RPS6KA2: variants seen among roughly 807,000 people sequenced by gnomAD.
RPS6KA2 encodes ribosomal protein S6 kinase A2, also known as ribosomal protein S6 kinase alpha-2.
A neutral mutation model predicts 91.8 loss-of-function variants in RPS6KA2; 42 were observed. The observed-to-expected ratio is 0.46, with a 90% CI of 0.36 to 0.59. The LOEUF (loss-of-function observed/expected upper bound fraction) is 0.59. Ranked by LOEUF, RPS6KA2 falls within the 20% of genes least tolerant of loss-of-function variation. RPS6KA2 has a pLI of 0.00. For synonymous variants in RPS6KA2, 414 were observed against 393.6 expected, an observed-to-expected ratio of 1.05 and a Z score of -0.61; for missense variants, 798 against 978.5, an observed-to-expected ratio of 0.82 and a Z score of 2.46.
At chr6:166,482,605 C>G (rs1474329525) in intron 10 of RPS6KA2, among the ~76,000 whole-genome samples, 1 of 152,226 alleles carries the variant, frequency 6.6e-6, no homozygotes, top group African/African-American at 2.4e-5. Flanking sequence ...CTTGCTTATT[C>G]TGGCTGCGAT....
At chr6:166,775,725 C>T (rs1778599003) in intron 2 of RPS6KA2, among the ~76,000 whole-genome samples, 2 of 152,338 alleles carry the variant, frequency 1.3e-5, no homozygotes, top group Non-Finnish European at 2.9e-5. Context: ...GGCTGCAGCC[C>T]GGGGATCTTC....
At chr6:166,562,383 A>G (rs1262048461) in intron 1 of RPS6KA2, among the ~76,000 whole-genome samples, 1 of 152,198 alleles carries the variant, frequency 6.6e-6, no homozygotes, top group Non-Finnish European at 1.5e-5. Context: ...GTATACATAC[A>G]AGTCTCTAAG....
chr6:166,612,398 T>C lies in RPS6KA2; in HGVS notation c.99+14523A>G, dbSNP rs748451534. ...GAAACTCTGAATTTGTAGTTTTCCT[T>C]AGGAGAAAGATGGCATGCACCCCTG... On this transcript the variant is annotated intron_variant, in intron 1 of 20. Transcript: ENST00000265678. The surrounding 1 kb of genome is among the most constrained non-coding windows in gnomAD (Gnocchi z 4.3). Among the ~76,000 whole-genome samples the C allele has an allele frequency of 3.1e-4, 47 of 152,082 alleles. No homozygotes were observed. The highest frequency in any genetic ancestry group is 3.0e-3 in the Admixed American group (46 of 15,272).
At chr6:166,595,310 C>T (rs1785501782) in intron 1 of RPS6KA2, among the ~76,000 whole-genome samples, 1 of 152,198 alleles carries the variant, frequency 6.6e-6, no homozygotes, top group African/African-American at 2.4e-5. Context: ...CCTCGGCCTC[C>T]CAAAGTGTTG....
At chr6:166,646,792 G>A (rs1787617641) in intron 2 of RPS6KA2, among the ~76,000 whole-genome samples, 1 of 152,214 alleles carries the variant, frequency 6.6e-6, no homozygotes, top group Non-Finnish European at 1.5e-5. Flanking sequence ...TCTCCTTTGA[G>A]ATCTCAGAGG....
intron 2 of RPS6KA2, among the ~76,000 whole-genome samples, chr6:166,804,184 TTA>T (rs1779436422): frequency 6.6e-6 from 1 of 151,412 alleles, no homozygotes; most frequent in Non-Finnish European, 1.5e-5. Flanking sequence ...AAAAAAATAC[TTA>T]ACTAGTAAAG....
intron 16 of RPS6KA2, among the ~76,000 whole-genome samples, chr6:166,424,721 C>T (rs1035338668): frequency 2.0e-5 from 3 of 152,224 alleles, no homozygotes; most frequent in Admixed American, 6.5e-5. Context: ...GCCTGGATCA[C>T]GGTGAGGCCC....
At chr6:166,758,255 CTG>C (rs1778073547) in intron 2 of RPS6KA2, among the ~76,000 whole-genome samples, 1 of 152,182 alleles carries the variant, frequency 6.6e-6, no homozygotes, top group East Asian at 1.9e-4. Context: ...TGTCATCACC[CTG>C]TATTACCCCT....
chr6:166,817,181 C>T lies in RPS6KA2; in HGVS notation c.123+41019G>A, dbSNP rs150765456. Among the ~76,000 whole-genome samples, 246 of 134,442 alleles carry T rather than the reference C, an allele frequency of 1.8e-3. 1 individual carries two copies. Among genetic ancestry groups the T allele is most frequent in the African/African-American group, 6.1e-3 (236 of 38,754 alleles). 88.2% of individuals were successfully genotyped at this position (134,442 alleles called of 152,430 possible). On this transcript the variant is annotated intron_variant, in intron 2 of 21. Transcript: ENST00000503859. ...ATCAGACCTGAAGGCCAAAAAGTGA[C>T]ATTATTTCTTCCCCTGCTGCTCCCC...
Position 166,648,269 on chromosome 6 carries a change from T to C in RPS6KA2, c.124-109485A>G, listed in dbSNP as rs183528238. Among the ~76,000 whole-genome samples the C allele has an allele frequency of 8.6e-5, 13 of 151,144 alleles. No individual in the cohort carries two copies. Among genetic ancestry groups the C allele is most frequent in the African/African-American group, 3.2e-4 (13 of 41,130 alleles). On this transcript the variant is annotated intron_variant, in intron 2 of 21. Transcript: ENST00000503859. This position sits in a 1 kb window ranked among gnomAD's most constrained non-coding sequence, Gnocchi z 4.8. ...ACACAGGCACACACACTCATGTTCATACACACGCATGCACACAGTATGCAC... is the reference window on the plus strand; with the variant it reads ...ACACAGGCACACACACTCATGTTCACACACACGCATGCACACAGTATGCAC...
Position 166,419,894 on chromosome 6 carries a change from G to T in RPS6KA2, c.1808C>A (p.Thr603Asn). 1 of 1,613,826 alleles carries T rather than the reference G, an allele frequency of 6.2e-7. No homozygotes were observed. Among genetic ancestry groups the T allele is most frequent in the Non-Finnish European group, 8.5e-7 (1 of 1,179,756 alleles). The part of the protein sequence containing the change: ...DIWSLGILLY[T>N]MLAGFTPFAN... Reference sequence around the variant, plus strand: ...GGTGACTGCTTACCCTGCCAGCATGGTGTACAACAGGATCCCCAAACTCCA... The same window carrying T: ...GGTGACTGCTTACCCTGCCAGCATGTTGTACAACAGGATCCCCAAACTCCA... Residue 603 changes from threonine to asparagine, a missense_variant, in exon 18 of 21, where the codon ACC (threonine) becomes AAC (asparagine). Thr to Asn is a moderately conservative substitution (Grantham distance 65, BLOSUM62 0). Transcript: ENST00000265678. The surrounding 1 kb of genome is among the most constrained non-coding windows in gnomAD (Gnocchi z 5.6).
At chr6:166,536,071 C>T (rs983705777) in intron 2 of RPS6KA2, among the ~76,000 whole-genome samples, 5 of 152,246 alleles carry the variant, frequency 3.3e-5, no homozygotes, top group African/African-American at 1.2e-4. Context: ...TGCAAAAAGT[C>T]TAAAGGGAAG....
intron 16 of RPS6KA2, among the ~76,000 whole-genome samples, chr6:166,427,906 G>A (rs200915543): frequency 3.4e-4 from 51 of 152,132 alleles, no homozygotes; most frequent in South Asian, 2.7e-3. Context: ...ATGCCATCCC[G>A]ATCAAGCTAC....
At chr6:166,845,417 T>A (rs759538246) in intron 2 of RPS6KA2, among the ~76,000 whole-genome samples, 4 of 152,160 alleles carry the variant, frequency 2.6e-5, no homozygotes, top group Non-Finnish European at 5.9e-5. Context: ...TACACTCTAC[T>A]CATCAGCACA....
Position 166,626,358 on chromosome 6 carries a change from C to T in RPS6KA2, c.99+563G>A, listed in dbSNP as rs1786874928. Among the ~76,000 whole-genome samples the T allele has an allele frequency of 1.3e-5, 2 of 152,244 alleles. No homozygotes were observed. Among genetic ancestry groups the T allele is most frequent in the African/African-American group, 4.8e-5 (2 of 41,460 alleles). On this transcript the variant is annotated intron_variant, in intron 1 of 20. Coordinates refer to ENST00000265678, the MANE Select transcript of RPS6KA2 (RefSeq NM_021135.6). The surrounding 1 kb of genome is among the most constrained non-coding windows in gnomAD (Gnocchi z 4.1). The stretch of plus-strand genomic sequence containing the variant: ...AGGATATTGCATCAGGCTCTTTACT[C>T]CTGAACGCCGTTTTAGACGCCTAAG...
intron 10 of RPS6KA2, among the ~76,000 whole-genome samples, chr6:166,473,114 T>TAAC (rs1780833299): frequency 6.6e-6 from 1 of 152,196 alleles, no homozygotes; most frequent in South Asian, 2.1e-4. Context: ...CAATTGCTGT[T>TAAC]CTCTGGTTAA....
intron 3 of RPS6KA2, 58 bp downstream of exon 3, chr6:166,531,174 C>T (rs1044656334): frequency 1.3e-5 from 14 of 1,088,842 alleles, no homozygotes; most frequent in East Asian, 4.7e-5. Flanking sequence ...CCTCAAATAA[C>T]GGAGTAGAAA....
At chr6:166,455,703 C>A (rs1473956149) in intron 12 of RPS6KA2, among the ~76,000 whole-genome samples, 1 of 152,216 alleles carries the variant, frequency 6.6e-6, no homozygotes, top group African/African-American at 2.4e-5. Flanking sequence ...CTTCGCGGCA[C>A]ACGGAGCCGC....
chr6:166,555,901 C>T (rs1388754110), intron 1 of RPS6KA2, among the ~76,000 whole-genome samples: 5 of 152,044 alleles, frequency 3.3e-5, no homozygotes, highest in Admixed American at 1.3e-4. Flanking sequence ...GAGGATGCTG[C>T]TCTAGGAAGG....
Sources: gnomAD v4.1 joint callset for allele counts (sites outside exome capture counted in the v4.1 genomes callset) on GRCh38, gnomAD v4.1.1 for gene constraint, Gnocchi (gnomAD v3.1) non-coding constraint, MANE v1.5 for transcripts, NCBI Gene and HGNC (gene_info 2026-07-23, HGNC 2026-07-21) for gene names.